The following SF3B3 variants were observed in gnomAD, a reference collection of about 807,000 sequenced individuals.
The protein encoded by SF3B3 is SAP 130.
In SF3B3, 33 loss-of-function variants were observed where a neutral mutation model predicts 139.2. The ratio of observed to expected loss-of-function variants is 0.24; its 90% CI spans 0.18 to 0.32. The LOEUF is 0.32. Ranked by LOEUF, SF3B3 falls within the 10% of genes least tolerant of loss-of-function variation. The pLI, the probability that SF3B3 is intolerant of heterozygous loss-of-function variation, is 1.00. For missense variants in SF3B3, 818 were observed against 1,509.4 expected, an observed-to-expected ratio of 0.54 and a Z score of 7.59; for synonymous variants, 596 against 563.6, an observed-to-expected ratio of 1.06 and a Z score of -0.81.
intron 15 of SF3B3, among the ~76,000 whole-genome samples, chr16:70,558,785 T>C (rs2050401605): frequency 1.3e-5 from 2 of 152,090 alleles, no homozygotes; most frequent in Non-Finnish European, 2.9e-5. Context: ...CTAGTAGAGA[T>C]GGGGTTTTGC....
rs2050585791 is a variant in SF3B3, at chr16:70,576,879, C to T, written c.*5066C>T. 1.3e-5 allele frequency: 2 copies of T among 152,344 alleles called. No individual in the cohort carries two copies. The highest frequency in any genetic ancestry group is 1.3e-4 in the Admixed American group (2 of 15,278). The allele number at this position is 152,344 out of a possible 1,614,324, so 9.4% of individuals were successfully genotyped here. On this transcript the variant is annotated 3_prime_UTR_variant, in exon 26 of 26. Transcript: ENST00000302516. ...GCATGGTGGCTCACACCTGTAATCCCAGCACTTTGAGAGGCTGAGGCAGGA... is the reference window on the plus strand; with the variant it reads ...GCATGGTGGCTCACACCTGTAATCCTAGCACTTTGAGAGGCTGAGGCAGGA...
At chr16:70,534,478 C>G (rs1419207887) in intron 5 of SF3B3, among the ~76,000 whole-genome samples, 1 of 152,022 alleles carries the variant, frequency 6.6e-6, no homozygotes, top group Admixed American at 6.5e-5. Flanking sequence ...TTAAGAGATA[C>G]TGGTAGCTGC....
intron 8 of SF3B3, among the ~76,000 whole-genome samples, chr16:70,539,654 GTCTT>G (rs1428517302): frequency 2.0e-5 from 3 of 152,158 alleles, no homozygotes; most frequent in East Asian, 3.8e-4. Flanking sequence ...TCCTTGTAGA[GTCTT>G]TCTTTTTCTT....
intron 5 of SF3B3, among the ~76,000 whole-genome samples, chr16:70,534,312 ACTGGG>A (rs2050146962): frequency 6.6e-6 from 1 of 152,196 alleles, no homozygotes; most frequent in Non-Finnish European, 1.5e-5. Flanking sequence ...TTATTAAGGG[ACTGGG>A]GTAGGAGTAG....
chr16:70,538,576 G>A (rs2050189680), intron 7 of SF3B3, 116 bp downstream of exon 7: 3 of 821,084 alleles, frequency 3.7e-6, no homozygotes, highest in African/African-American at 1.7e-5. Flanking sequence ...CCTTGGAACC[G>A]GTATATGAGT....
chr16:70,545,672 G>A (rs915542008), intron 10 of SF3B3, among the ~76,000 whole-genome samples: 1 of 152,132 alleles, frequency 6.6e-6, no homozygotes, highest in South Asian at 2.1e-4. Flanking sequence ...ATTGGAACAC[G>A]CCCAAGATAA....
rs570630945 is a variant in SF3B3 at position 70,530,693 on chromosome 16, C to T, written c.398-52C>T. 3 of 1,450,110 alleles carry T rather than the reference C, an allele frequency of 2.1e-6. No homozygotes were observed. In the South Asian group the frequency reaches 3.8e-5, roughly 18 times the overall value. 89.8% of individuals were successfully genotyped at this position (1,450,110 alleles called of 1,614,324 possible). A position where few individuals can be genotyped will look rare whatever the true frequency, so the allele number is the denominator to read the frequency against. ...ATGTGACTCTAGCTGTTCTATAAGTCTCTCTTCTCATTATCTGGGAATCTT... is the reference window on the plus strand; with the variant it reads ...ATGTGACTCTAGCTGTTCTATAAGTTTCTCTTCTCATTATCTGGGAATCTT... On this transcript the variant is annotated intron_variant, in intron 3 of 25. Transcript: ENST00000302516.
At chr16:70,557,623 C>G (rs990425541) in intron 15 of SF3B3, among the ~76,000 whole-genome samples, 1 of 152,140 alleles carries the variant, frequency 6.6e-6, no homozygotes, top group African/African-American at 2.4e-5. Flanking sequence ...AGTGAACTTC[C>G]ATGTACCCAG....
intron 11 of SF3B3, among the ~76,000 whole-genome samples, chr16:70,551,836 T>G (rs2050330129): frequency 6.6e-6 from 1 of 152,194 alleles, no homozygotes; most frequent in African/African-American, 2.4e-5. Context: ...CAGCTTGGAC[T>G]CCAACTTTTA....
At chr16:70,559,761 A>G (rs1232652552) in intron 15 of SF3B3, among the ~76,000 whole-genome samples, 4 of 151,120 alleles carry the variant, frequency 2.6e-5, no homozygotes, top group Non-Finnish European at 5.9e-5. Context: ...ATTTGTGCTG[A>G]AAACTCCTTT....
chr16:70,546,053 C>G (rs1397406236), intron 10 of SF3B3, among the ~76,000 whole-genome samples: 1 of 152,126 alleles, frequency 6.6e-6, no homozygotes. Context: ...GCCTCCAACG[C>G]CCAGTCTCAA....
At chr16:70,554,994 A>G in intron 12 of SF3B3, 57 bp from the exon 13 acceptor site, 2 of 1,544,388 alleles carry the variant, frequency 1.3e-6, no homozygotes, top group Middle Eastern at 1.7e-4. Context: ...TGTGAGGGTC[A>G]TTCTGAGTGA....
intron 25 of SF3B3, 89 bp downstream of exon 25, chr16:70,571,288 G>A: frequency 2.1e-6 from 2 of 974,080 alleles, no homozygotes; most frequent in Non-Finnish European, 3.3e-6. Flanking sequence ...CAGGGAGGGT[G>A]CTCCCCTCAG....
chr16:70,560,103 G>T (rs1477148810), intron 15 of SF3B3, among the ~76,000 whole-genome samples: 2 of 152,116 alleles, frequency 1.3e-5, no homozygotes, highest in Non-Finnish European at 2.9e-5. Flanking sequence ...TTCCTTTTAG[G>T]AACCTTGTTC....
chr16:70,570,371 C>G (rs1409031094), intron 24 of SF3B3, among the ~76,000 whole-genome samples: 3 of 129,960 alleles, frequency 2.3e-5, no homozygotes, highest in African/African-American at 8.6e-5. Flanking sequence ...CTCACTGTTA[C>G]CCGGGCTGGA....
Position 70,563,957 on chromosome 16 carries a change from C to T in SF3B3, c.2370C>T (p.Ile790=), listed in dbSNP as rs770131548. 1 of 1,614,094 alleles carries T rather than the reference C, an allele frequency of 6.2e-7. No individual in the cohort carries two copies. The highest frequency in any genetic ancestry group is 8.5e-7 in the Non-Finnish European group (1 of 1,179,994). ...PLQYTPRKFV[I]HPESNNLIII... Reference sequence around the variant, plus strand: ...AGTACACACCCAGGAAATTTGTCATCCACCCTGAGAGTAACAACCTTATTA... The same window carrying T: ...AGTACACACCCAGGAAATTTGTCATTCACCCTGAGAGTAACAACCTTATTA... The change falls in exon 18 of 26, where the codon ATC becomes ATT. Residue 790 remains isoleucine, a synonymous_variant. Coordinates refer to ENST00000302516, the MANE Select transcript of SF3B3 (RefSeq NM_012426.5).
At chr16:70,562,568 CTCTACCTGTGCTAGAATGCT>C (rs1345277183) in intron 17 of SF3B3, among the ~76,000 whole-genome samples, 1 of 152,090 alleles carries the variant, frequency 6.6e-6, no homozygotes, top group African/African-American at 2.4e-5. Context: ...TTTTTTTAAT[CTCTACCTGTGCTAGAATGCT>C]TCACCCACAT....
intron 17 of SF3B3, 159 bp from the exon 18 acceptor site, chr16:70,563,717 G>T: frequency 1.6e-6 from 1 of 626,284 alleles, no homozygotes; most frequent in East Asian, 2.8e-5. Context: ...TGTCTGCATC[G>T]CAGAGTTTTC....
At chr16:70,532,007 C>T (rs1021075732) in intron 4 of SF3B3, among the ~76,000 whole-genome samples, 6 of 152,202 alleles carry the variant, frequency 3.9e-5, no homozygotes, top group Non-Finnish European at 5.9e-5. Context: ...TAAGATTGTA[C>T]CACTGCAGTC....
Sources: gnomAD v4.1 joint callset for allele counts (sites outside exome capture counted in the v4.1 genomes callset) on GRCh38, gnomAD v4.1.1 for gene constraint, MANE v1.5 for transcripts, NCBI Gene and HGNC (gene_info 2026-07-23, HGNC 2026-07-21) for gene names.